The following COL13A1 variants were observed in gnomAD, a reference collection of about 807,000 sequenced individuals.
COL13A1 encodes collagen type XIII alpha 1 chain.
A neutral mutation model predicts 130.9 loss-of-function variants in COL13A1; 89 were observed. The observed-to-expected ratio is 0.68, with a 90% confidence interval of 0.57 to 0.81. The LOEUF (loss-of-function observed/expected upper bound fraction) is 0.81. COL13A1 is among the 30% of genes least tolerant of loss of function. COL13A1 has a pLI of 0.00. For synonymous variants in COL13A1, 402 were observed against 341.6 expected (o/e 1.18, Z -1.95); for missense variants, 879 against 934.6 (o/e 0.94, Z 0.78).
intron 1 of COL13A1, among the ~76,000 whole-genome samples, chr10:69,820,470 G>A (rs1056663025): frequency 6.6e-6 from 1 of 152,252 alleles, no homozygotes; most frequent in African/African-American, 2.4e-5. Context: ...CAGGTGATTG[G>A]TGGGGAGGGA....
chr10:69,888,387 C>A, intron 9 of COL13A1, 57 bp downstream of exon 9: 1 of 1,588,408 alleles, frequency 6.3e-7, no homozygotes, highest in Non-Finnish European at 8.6e-7. Context: ...ATCTCTTGGT[C>A]ATTCTGCAAG....
intron 39 of COL13A1, among the ~76,000 whole-genome samples, chr10:69,953,343 C>T (rs1286904501): frequency 6.6e-6 from 1 of 152,192 alleles, no homozygotes; most frequent in Non-Finnish European, 1.5e-5. Context: ...CGTTTCATGG[C>T]CACCTCTGTG....
intron 6 of COL13A1, among the ~76,000 whole-genome samples, chr10:69,878,334 C>T (rs1467330376): frequency 2.6e-5 from 4 of 152,210 alleles, no homozygotes; most frequent in South Asian, 2.1e-4. Flanking sequence ...GAGGCCTCAT[C>T]GCTCTGGCCA....
At chr10:69,852,288 G>A (rs1368772545) in intron 2 of COL13A1, among the ~76,000 whole-genome samples, 1 of 152,138 alleles carries the variant, frequency 6.6e-6, no homozygotes, top group Non-Finnish European at 1.5e-5. Context: ...TCTGTTTGTT[G>A]TCTATCACCT....
chr10:69,802,487 G>A lies in COL13A1; in HGVS notation c.64G>A (p.Ala22Thr). 1 of 1,521,404 alleles carries A rather than the reference G, an allele frequency of 6.6e-7. No homozygotes were observed. The highest frequency in any genetic ancestry group is 8.8e-7 in the Non-Finnish European group (1 of 1,137,674). The allele number at this position is 1,521,404 out of a possible 1,614,324, so 94.2% of individuals were successfully genotyped here. A position where few individuals can be genotyped will look rare whatever the true frequency, so the allele number is the denominator to read the frequency against. Reference protein sequence around the residue: ...TGARGPGELGAPGTVALVAAR... With the variant: ...TGARGPGELGTPGTVALVAAR... ...TGCCCGCGGCCCTGGGGAGTTGGGC[G>A]CGCCCGGGACGGTGGCTCTGGTGGC... Residue 22 changes from alanine to threonine, a missense_variant, in exon 1 of 41, where the codon GCG becomes ACG. Physicochemically the swap from Ala to Thr is moderately conservative, Grantham distance 58. Transcript: ENST00000645393.
At chr10:69,941,081 T>A (rs1451015869) in intron 35 of COL13A1, 58 bp downstream of exon 35, 2 of 1,612,422 alleles carry the variant, frequency 1.2e-6, no homozygotes, top group Non-Finnish European at 1.7e-6. Context: ...TGGCCTGTGA[T>A]CCCTTTTGTC....
intron 7 of COL13A1, among the ~76,000 whole-genome samples, chr10:69,883,326 C>T (rs1368519143): frequency 6.6e-6 from 1 of 152,186 alleles, no homozygotes; most frequent in Non-Finnish European, 1.5e-5. Flanking sequence ...CAAAGTGTGC[C>T]CATTCCCTCT....
At chr10:69,888,030 G>A (rs1280036479) in intron 8 of COL13A1, among the ~76,000 whole-genome samples, 1 of 152,190 alleles carries the variant, frequency 6.6e-6, no homozygotes, top group Non-Finnish European at 1.5e-5. Flanking sequence ...GGACAAGGGT[G>A]AGGTCCTTGA....
intron 24 of COL13A1, among the ~76,000 whole-genome samples, chr10:69,924,485 C>G (rs1049960278): frequency 4.6e-5 from 7 of 152,068 alleles, no homozygotes; most frequent in African/African-American, 1.7e-4. Context: ...CTGAGACCCT[C>G]CTGGCCCTCC....
intron 23 of COL13A1, 58 bp downstream of exon 23, chr10:69,922,852 G>A: frequency 8.0e-7 from 1 of 1,251,114 alleles, no homozygotes; most frequent in Non-Finnish European, 1.1e-6. Flanking sequence ...TTTGTCTTCA[G>A]CCTGTTCTCG....
Position 69,883,887 on chromosome 10 carries a change from C to A in COL13A1, c.513+3334C>A, listed in dbSNP as rs115917856. Among the ~76,000 whole-genome samples the A allele has an allele frequency of 5.8e-3, 885 of 152,274 alleles. 11 individuals are homozygous for A. Among genetic ancestry groups the A allele is most frequent in the African/African-American group, 0.021 (856 of 41,554 alleles). ...TGGGAGGCTGGCTGGAAGGCACTTG[C>A]AACAACCAAGGCCTGGACTGGAGCA... On this transcript the variant is annotated intron_variant, in intron 7 of 40. Transcript: ENST00000645393.
At chr10:69,914,926 AT>A (rs1208448710) in intron 17 of COL13A1, among the ~76,000 whole-genome samples, 1 of 152,208 alleles carries the variant, frequency 6.6e-6, no homozygotes, top group African/African-American at 2.4e-5. Flanking sequence ...CTGCACCCCT[AT>A]GATGGGCCAC....
At chr10:69,950,163 T>TATCAC (rs2069278982) in intron 38 of COL13A1, among the ~76,000 whole-genome samples, 1 of 152,064 alleles carries the variant, frequency 6.6e-6, no homozygotes, top group Non-Finnish European at 1.5e-5. Context: ...TCACCAGCTG[T>TATCAC]CAGTTTATCT....
At position 69,944,589 on chromosome 10, in the gene COL13A1, G is replaced by A. The variant is rs900576865; in HGVS notation, c.1968+411G>A. Among the ~76,000 whole-genome samples the A allele has an allele frequency of 1.8e-4, 28 of 151,698 alleles. No individual in the cohort carries two copies. In the East Asian group the frequency reaches 5.2e-3, roughly 28 times the overall value. The stretch of plus-strand genomic sequence containing the variant: ...CAGGAGGATCAGTTGAGCCCAGGAA[G>A]TGGAGGCTGCAGTGAACCATTATTA... On this transcript the variant is annotated intron_variant, in intron 36 of 40. Coordinates refer to ENST00000645393, the MANE Select transcript of COL13A1 (RefSeq NM_001368882.1).
intron 17 of COL13A1, among the ~76,000 whole-genome samples, chr10:69,912,542 G>A (rs1248658231): frequency 3.3e-5 from 5 of 151,422 alleles, no homozygotes; most frequent in Admixed American, 3.3e-4. Context: ...GCTGTCCACC[G>A]ACCGCCCCCC....
chr10:69,880,134 C>T (rs1005025525), intron 6 of COL13A1, among the ~76,000 whole-genome samples: 49 of 152,172 alleles, frequency 3.2e-4, no homozygotes, highest in African/African-American at 1.1e-3. Context: ...CCCTGTTTCC[C>T]GCCACTCCAA....
chr10:69,830,175 A>C (rs1848478064), intron 2 of COL13A1, among the ~76,000 whole-genome samples: 1 of 152,248 alleles, frequency 6.6e-6, no homozygotes, highest in Admixed American at 6.5e-5. Flanking sequence ...ATCATTTGGC[A>C]GTATCTGGTA....
intron 1 of COL13A1, among the ~76,000 whole-genome samples, chr10:69,820,252 A>T (rs1329944195): frequency 6.6e-6 from 1 of 152,128 alleles, no homozygotes; most frequent in Non-Finnish European, 1.5e-5. Context: ...GGTGTGCCCC[A>T]TGAGGATGGA....
chr10:69,907,200 T>C (rs1380368200), intron 17 of COL13A1, among the ~76,000 whole-genome samples: 1 of 152,224 alleles, frequency 6.6e-6, no homozygotes, highest in Non-Finnish European at 1.5e-5. Flanking sequence ...TACTATGGTC[T>C]AGGCACTATC....
Sources: gnomAD v4.1 joint callset for allele counts (sites outside exome capture counted in the v4.1 genomes callset) on GRCh38, gnomAD v4.1.1 for gene constraint, MANE v1.5 for transcripts, NCBI Gene and HGNC (gene_info 2026-07-23, HGNC 2026-07-21) for gene names.